SMYD3: variants seen among roughly 807,000 people sequenced by gnomAD.
SMYD3 encodes the protein SET and MYND domain containing 3, also known as histone-lysine N-methyltransferase SMYD3.
SMYD3 carries 36 observed loss-of-function variants against 57.7 expected under a neutral mutation model. The observed-to-expected ratio is 0.62, with a 90% CI of 0.48 to 0.82. SMYD3 has a LOEUF of 0.82. SMYD3 is among the 40% of genes least tolerant of loss of function. The pLI, the probability that SMYD3 is intolerant of heterozygous loss-of-function variation, is 0.00. For synonymous variants in SMYD3, 211 were observed against 195.0 expected (o/e 1.08, Z -0.68); for missense variants, 515 against 538.8 (o/e 0.96, Z 0.44).
At chr1:245,821,579 C>A (rs1361682533) in intron 10 of SMYD3, among the ~76,000 whole-genome samples, 1 of 140,958 alleles carries the variant, frequency 7.1e-6, no homozygotes, top group East Asian at 2.2e-4. Context: ...TTCTGCACAG[C>A]AAAAGAAACT....
chr1:245,783,192 G>T (rs1022152760), intron 10 of SMYD3, among the ~76,000 whole-genome samples: 7 of 152,078 alleles, frequency 4.6e-5, no homozygotes, highest in African/African-American at 1.7e-4. Context: ...GATAAGAGAA[G>T]GCTGAGATAT....
At chr1:246,187,669 C>A (rs756199816) in intron 5 of SMYD3, among the ~76,000 whole-genome samples, 5 of 152,178 alleles carry the variant, frequency 3.3e-5, no homozygotes, top group Non-Finnish European at 5.9e-5. Context: ...AGCAAGACTG[C>A]AGCCCTAAAG....
chr1:246,280,098 A>C (rs1490491209), intron 5 of SMYD3, among the ~76,000 whole-genome samples: 1 of 152,202 alleles, frequency 6.6e-6, no homozygotes, highest in East Asian at 1.9e-4. Flanking sequence ...GAAGATAACA[A>C]AGGAATATAT....
intron 5 of SMYD3, among the ~76,000 whole-genome samples, chr1:246,211,671 A>C (rs1229256107): frequency 6.6e-6 from 1 of 152,150 alleles, no homozygotes; most frequent in East Asian, 1.9e-4. Context: ...ATGTCCTACC[A>C]ATGAATAGAT....
At chr1:246,348,077 T>TACACAC (rs1553336559) in intron 2 of SMYD3, among the ~76,000 whole-genome samples, 2 of 86,476 alleles carry the variant, frequency 2.3e-5, no homozygotes, top group African/African-American at 4.0e-5. Context: ...TATATATATA[T>TACACAC]ACACACACAC....
In SMYD3 at chr1:245,814,292, T is replaced by C. The variant is rs75949397; in HGVS notation, c.1076+44204A>G. On this transcript the variant is annotated intron_variant, in intron 10 of 11. Coordinates refer to ENST00000490107, the MANE Select transcript of SMYD3 (RefSeq NM_001167740.2). ...AATTTCAGTGTATAGCTACCTCCAA[T>C]TATCCAAACCACTGTCTTCATAGGA... 6,651 of 834,126 alleles carry C rather than the reference T, an allele frequency of 8.0e-3. 314 individuals are homozygous for C. In the African/African-American group the frequency reaches 0.1, roughly 13 times the overall value. 51.7% of individuals were successfully genotyped at this position (834,126 alleles called of 1,614,324 possible). A position where few individuals can be genotyped will look rare whatever the true frequency, so the allele number is the denominator to read the frequency against.
chr1:246,341,070 A>G (rs894859549), intron 2 of SMYD3, among the ~76,000 whole-genome samples: 9 of 152,226 alleles, frequency 5.9e-5, no homozygotes, highest in Non-Finnish European at 1.3e-4. Flanking sequence ...TCCTAAAAGA[A>G]ATTGCTATTT....
At chr1:246,032,646 TGTACTCATA>T (rs2059698683) in intron 5 of SMYD3, among the ~76,000 whole-genome samples, 1 of 152,250 alleles carries the variant, frequency 6.6e-6, no homozygotes, top group South Asian at 2.1e-4. Flanking sequence ...TGGTGTCTTC[TGTACTCATA>T]TTTGCTTTCT....
intron 5 of SMYD3, among the ~76,000 whole-genome samples, chr1:245,993,576 AAAAAGATAGATAGAT>A (rs2058851735): frequency 8.3e-6 from 1 of 120,370 alleles, no homozygotes; most frequent in Non-Finnish European, 1.8e-5. Flanking sequence ...CTCAAAAAAA[AAAAAGATAGATAGAT>A]AGATAGATAG....
At chr1:246,479,931 TAA>T (rs1252783634) in intron 1 of SMYD3, among the ~76,000 whole-genome samples, 2 of 152,194 alleles carry the variant, frequency 1.3e-5, no homozygotes, top group East Asian at 3.8e-4. Flanking sequence ...CAGTGGCATG[TAA>T]AGTCTCACAT....
At chr1:246,140,172 A>G (rs2061729891) in intron 5 of SMYD3, among the ~76,000 whole-genome samples, 1 of 152,234 alleles carries the variant, frequency 6.6e-6, no homozygotes, top group Non-Finnish European at 1.5e-5. Context: ...TACAAGTGCC[A>G]GGTTTCTGCT....
chr1:246,230,470 A>T (rs2063393800), intron 5 of SMYD3, among the ~76,000 whole-genome samples: 1 of 152,226 alleles, frequency 6.6e-6, no homozygotes, highest in African/African-American at 2.4e-5. Context: ...TTAGGCTAGA[A>T]TGCTGTCCTA....
At chr1:245,826,875 A>C (rs1344379610) in intron 10 of SMYD3, among the ~76,000 whole-genome samples, 2 of 152,162 alleles carry the variant, frequency 1.3e-5, no homozygotes, top group Non-Finnish European at 2.9e-5. Flanking sequence ...CTATCATGAG[A>C]AGAGCATGGA....
chr1:245,792,906 A>G (rs1249782979), intron 10 of SMYD3, among the ~76,000 whole-genome samples: 1 of 152,178 alleles, frequency 6.6e-6, no homozygotes, highest in Non-Finnish European at 1.5e-5. Flanking sequence ...ATGATGACAA[A>G]ATATGCTCTC....
At chr1:246,253,425 C>A (rs1012869961) in intron 5 of SMYD3, among the ~76,000 whole-genome samples, 15 of 152,160 alleles carry the variant, frequency 9.9e-5, no homozygotes, top group African/African-American at 3.4e-4. Flanking sequence ...CAGCTGCATC[C>A]AGGTTGCTGC....
At chr1:245,981,757 T>A (rs1285769142) in intron 5 of SMYD3, among the ~76,000 whole-genome samples, 2 of 152,270 alleles carry the variant, frequency 1.3e-5, no homozygotes, top group Non-Finnish European at 2.9e-5. Flanking sequence ...CTGGCTCCAA[T>A]AAAGTTGTTT....
At chr1:246,423,437 G>A (rs1013139743) in intron 1 of SMYD3, among the ~76,000 whole-genome samples, 1 of 152,132 alleles carries the variant, frequency 6.6e-6, no homozygotes, top group Non-Finnish European at 1.5e-5. Context: ...GCAGTGGCTT[G>A]TGCCTGTAAT....
intron 7 of SMYD3, among the ~76,000 whole-genome samples, chr1:245,917,984 G>C (rs924271796): frequency 2.0e-5 from 3 of 152,192 alleles, no homozygotes; most frequent in African/African-American, 7.2e-5. Context: ...CTCTCTGGCA[G>C]AAAACAAAGC....
chr1:245,793,189 G>T (rs538853726), intron 10 of SMYD3, among the ~76,000 whole-genome samples: 2 of 150,808 alleles, frequency 1.3e-5, no homozygotes, highest in East Asian at 3.9e-4. Flanking sequence ...GGTGCCTGTA[G>T]TCCCAGCTAC....
Sources: allele counts gnomAD v4.1 joint callset (sites outside exome capture counted in the v4.1 genomes callset), GRCh38; gene constraint gnomAD v4.1.1; transcripts MANE v1.5; gene names NCBI Gene and HGNC (gene_info 2026-07-23, HGNC 2026-07-21).